The following DNAH7 variants were observed in gnomAD, a reference collection of about 807,000 sequenced individuals.
The protein encoded by DNAH7 is axonemal beta dynein heavy chain 7.
A neutral mutation model predicts 444.6 loss-of-function variants in DNAH7; 397 were observed. The ratio of observed to expected loss-of-function variants is 0.89; its 90% CI spans 0.82 to 0.97. The LOEUF (loss-of-function observed/expected upper bound fraction) is 0.97, where lower values mean the gene tolerates loss of function less well. Ranked by LOEUF, DNAH7 falls within the 50% of genes least tolerant of loss-of-function variation. The pLI is 0.00. For synonymous variants in DNAH7, 1,636 were observed against 1,624.4 expected (o/e 1.01, Z -0.17); for missense variants, 4,902 against 4,800.8 (o/e 1.02, Z -0.62).
At chr2:195,944,302 C>A (rs1004225621) in intron 19 of DNAH7, among the ~76,000 whole-genome samples, 1 of 152,120 alleles carries the variant, frequency 6.6e-6, no homozygotes, top group Non-Finnish European at 1.5e-5. Context: ...TCTACCATTT[C>A]TATCTAATTG....
At chr2:195,784,652 T>C (rs951838595) in intron 58 of DNAH7, among the ~76,000 whole-genome samples, 2 of 152,214 alleles carry the variant, frequency 1.3e-5, no homozygotes, top group Admixed American at 1.3e-4. Context: ...AAAGGATGTT[T>C]AGTTTTATAA....
intron 30 of DNAH7, chr2:195,894,556 T>C (rs962300464): frequency 5.9e-5 from 9 of 152,626 alleles, no homozygotes; most frequent in African/African-American, 2.2e-4. Context: ...ATTCTGAATG[T>C]GTCATTATAT....
At chr2:195,809,657 C>G (rs1205117114) in intron 52 of DNAH7, 88 bp downstream of exon 52, 1 of 1,212,962 alleles carries the variant, frequency 8.2e-7, no homozygotes, top group Non-Finnish European at 1.1e-6. Flanking sequence ...TATTTACAAT[C>G]TTTTTATATA....
intron 12 of DNAH7, among the ~76,000 whole-genome samples, chr2:195,994,090 AATTC>A (rs1166014654): frequency 1.3e-5 from 2 of 152,162 alleles, no homozygotes; most frequent in Non-Finnish European, 2.9e-5. Flanking sequence ...TATTTTTTTA[AATTC>A]ATTAAAATGT....
intron 42 of DNAH7, among the ~76,000 whole-genome samples, chr2:195,859,613 C>A (rs991988043): frequency 5.9e-5 from 9 of 152,026 alleles, no homozygotes; most frequent in African/African-American, 2.2e-4. Flanking sequence ...CTGGCTTGAG[C>A]TGGAAAAGGT....
intron 31 of DNAH7, among the ~76,000 whole-genome samples, chr2:195,891,028 G>C (rs1574681901): frequency 6.6e-6 from 1 of 152,190 alleles, no homozygotes; most frequent in East Asian, 1.9e-4. Context: ...TGGCAACCAA[G>C]TTAATATGTA....
At position 195,792,594 on chromosome 2, in the gene DNAH7, G is replaced by A. The variant is rs568094381; in HGVS notation, c.10716+1744C>T. ...CCAATGCTGTCAGGGACAGGAAATG[G>A]ATATTACTGCATCAACTGACAAAAT... On this transcript the variant is annotated intron_variant, in intron 57 of 64. Coordinates refer to ENST00000312428, the MANE Select transcript of DNAH7 (RefSeq NM_018897.3). Among the ~76,000 whole-genome samples, 158 of 152,184 alleles carry A rather than the reference G, an allele frequency of 1.0e-3. 1 individual carries two copies. In the Middle Eastern group the frequency reaches 0.027, roughly 26 times the overall value.
intron 19 of DNAH7, among the ~76,000 whole-genome samples, chr2:195,945,137 A>G (rs1689714940): frequency 6.6e-6 from 1 of 152,116 alleles, no homozygotes; most frequent in Non-Finnish European, 1.5e-5. Context: ...AGTTTATTCA[A>G]GTTCAGTGCA....
chr2:195,935,529 T>C lies in DNAH7; in HGVS notation c.3273-740A>G, dbSNP rs529787272. ...TTTATATCAGATGCTCTTCTAAAGA[T>C]TGGGGAATCAGCAGTGGGAAAAAAA... On this transcript the variant is annotated intron_variant, in intron 20 of 64. Transcript: ENST00000312428. Among the ~76,000 whole-genome samples the C allele has an allele frequency of 1.2e-3, 187 of 152,280 alleles. 2 individuals carry two copies. Among genetic ancestry groups the C allele is most frequent in the African/African-American group, 4.1e-3 (170 of 41,562 alleles).
chr2:195,925,915 T>G (rs890891434), intron 22 of DNAH7, among the ~76,000 whole-genome samples: 1 of 152,088 alleles, frequency 6.6e-6, no homozygotes, highest in Non-Finnish European at 1.5e-5. Context: ...AATTAATATA[T>G]CCAATTATAT....
At chr2:195,990,404 T>C (rs113067609) in intron 12 of DNAH7, among the ~76,000 whole-genome samples, 2,168 of 152,252 alleles carry the variant, frequency 0.014, 52 homozygotes, top group African/African-American at 0.049. Context: ...GGCTCACACC[T>C]GTAATCCCAG....
At chr2:195,833,520 C>A (rs1200322112) in intron 48 of DNAH7, among the ~76,000 whole-genome samples, 1 of 152,162 alleles carries the variant, frequency 6.6e-6, no homozygotes, top group East Asian at 1.9e-4. Context: ...TTCATAAGGG[C>A]TTACCTTTAT....
In DNAH7 at chr2:196,048,382, T is replaced by TGCC; in HGVS notation, c.161_163dup (p.Trp54_Gln55insArg). ...CAAATGGAATGATGGAGCTGCCTGCTGCCAGTGGGGCTTTGTACTCACCTA... is the reference window on the plus strand; with the variant it reads ...CAAATGGAATGATGGAGCTGCCTGCTGCCGCCAGTGGGGCTTTGTACTCACCTA... On this transcript the variant is annotated inframe_insertion, in exon 4 of 65. Transcript: ENST00000312428. 6.2e-7 allele frequency: 1 copy of TGCC among 1,614,052 alleles called. No individual in the cohort carries two copies. The highest frequency in any genetic ancestry group is 8.5e-7 in the Non-Finnish European group (1 of 1,179,926).
At chr2:195,814,057 G>C (rs1697108991) in intron 51 of DNAH7, among the ~76,000 whole-genome samples, 1 of 152,200 alleles carries the variant, frequency 6.6e-6, no homozygotes, top group South Asian at 2.1e-4. Flanking sequence ...GAGAGGGTTA[G>C]TGATCAGGAG....
At chr2:195,976,734 A>G (rs1692209440) in intron 15 of DNAH7, among the ~76,000 whole-genome samples, 1 of 143,358 alleles carries the variant, frequency 7.0e-6, no homozygotes, top group Non-Finnish European at 1.5e-5. Context: ...ACAGAGAGAG[A>G]CAGAGAGGCA....
intron 58 of DNAH7, among the ~76,000 whole-genome samples, chr2:195,781,976 TACACACACACACACACAC>T (rs59244207): frequency 1.5e-5 from 2 of 129,754 alleles, no homozygotes; most frequent in African/African-American, 3.0e-5. Flanking sequence ...GTGGGTCTTA[TACACACACACACACACAC>T]ACACACACAC....
At chr2:195,872,717 G>A (rs1700791178) in intron 39 of DNAH7, among the ~76,000 whole-genome samples, 1 of 151,948 alleles carries the variant, frequency 6.6e-6, no homozygotes, top group Non-Finnish European at 1.5e-5. Context: ...CAGTTTAATG[G>A]ACTTAAAATC....
intron 14 of DNAH7, among the ~76,000 whole-genome samples, chr2:195,985,804 T>C (rs1168310273): frequency 1.3e-5 from 2 of 152,156 alleles, no homozygotes; most frequent in African/African-American, 2.4e-5. Flanking sequence ...TCACTATTCT[T>C]CTAGTTCTTT....
intron 36 of DNAH7, among the ~76,000 whole-genome samples, chr2:195,877,617 A>G (rs1435025128): frequency 1.3e-5 from 2 of 152,230 alleles, no homozygotes; most frequent in African/African-American, 4.8e-5. Flanking sequence ...TCTATTCATC[A>G]AGGCAATACA....
Sources: allele counts gnomAD v4.1 joint callset (sites outside exome capture counted in the v4.1 genomes callset), GRCh38; gene constraint gnomAD v4.1.1; transcripts MANE v1.5; gene names NCBI Gene and HGNC (gene_info 2026-07-23, HGNC 2026-07-21).